Variants in AGGF1 observed in about 807,000 individuals in gnomAD.
AGGF1 encodes the protein angiogenic factor with G patch and FHA domains 1.
AGGF1 carries 56 observed loss-of-function variants against 86.5 expected under a neutral mutation model. The observed-to-expected ratio is 0.65, with a 90% confidence interval of 0.52 to 0.81. The LOEUF (loss-of-function observed/expected upper bound fraction) is 0.81, where lower values mean the gene tolerates loss of function less well. AGGF1 is among the 30% of genes least tolerant of loss of function. The probability of loss-of-function intolerance (pLI) is 0.00; values close to 1 mark genes in which losing one functional copy is unlikely to be tolerated. For missense variants in AGGF1, 816 were observed against 850.9 expected (o/e 0.96, Z 0.51); for synonymous variants, 313 against 297.1 (o/e 1.05, Z -0.55).
chr5:77,030,895 G>A lies in AGGF1; in HGVS notation c.129G>A (p.Val43=), dbSNP rs1191898340. The A allele has an allele frequency of 6.2e-7, 1 of 1,613,438 alleles. No individual in the cohort carries two copies. Among genetic ancestry groups the A allele is most frequent in the Non-Finnish European group, 8.5e-7 (1 of 1,180,006 alleles). ...ERELRSCKRQ[V]REIEKLLHHT... The stretch of plus-strand genomic sequence containing the variant: ...AACTGCGGAGCTGCAAGCGGCAGGT[G>A]CGGGAGATCGAGAAGCTGCTGCATC... Residue 43 remains valine (V), a synonymous_variant, in exon 1 of 14, where the codon GTG becomes GTA. Transcript: ENST00000312916.
chr5:77,031,222 G>C (rs1580120787), intron 1 of AGGF1, among the ~76,000 whole-genome samples: 2 of 152,196 alleles, frequency 1.3e-5, no homozygotes, highest in Admixed American at 6.5e-5. Flanking sequence ...TGGCTACATT[G>C]TCTTCATTCT....
intron 1 of AGGF1, among the ~76,000 whole-genome samples, chr5:77,032,726 C>T (rs1746894268): frequency 6.6e-6 from 1 of 152,072 alleles, no homozygotes; most frequent in Non-Finnish European, 1.5e-5. Context: ...TTCAGAGAGC[C>T]AGCATTTTGG....
chr5:77,061,925 C>T, intron 13 of AGGF1, 123 bp downstream of exon 13: 1 of 872,724 alleles, frequency 1.1e-6, no homozygotes. Context: ...GACATGATTA[C>T]TGCCTTTGTG....
At chr5:77,041,475 G>A (rs1047753506) in intron 5 of AGGF1, among the ~76,000 whole-genome samples, 3 of 150,696 alleles carry the variant, frequency 2.0e-5, no homozygotes, top group Non-Finnish European at 4.4e-5. Context: ...GCTGAGGCAG[G>A]AGAATCGCTT....
chr5:77,048,357 GT>G (rs1580131561), intron 7 of AGGF1, 85 bp downstream of exon 7: 4 of 1,193,686 alleles, frequency 3.4e-6, no homozygotes, highest in Non-Finnish European at 4.8e-6. Flanking sequence ...TTGTTTGTTT[GT>G]TTTTTGTTTT....
intron 4 of AGGF1, among the ~76,000 whole-genome samples, chr5:77,037,146 A>T (rs903354209): frequency 6.6e-6 from 1 of 152,262 alleles, no homozygotes; most frequent in Non-Finnish European, 1.5e-5. Context: ...AAATAAGGTT[A>T]AGGTTAAAAT....
intron 8 of AGGF1, among the ~76,000 whole-genome samples, chr5:77,052,117 C>G (rs866706700): frequency 6.6e-5 from 10 of 152,140 alleles, no homozygotes; most frequent in Admixed American, 2.6e-4. Flanking sequence ...CTTTGGGAGG[C>G]TGAGGCGGGA....
intron 3 of AGGF1, 121 bp from the exon 4 acceptor site, chr5:77,036,435 C>A: frequency 9.9e-7 from 1 of 1,012,218 alleles, no homozygotes; most frequent in Non-Finnish European, 1.5e-6. Flanking sequence ...GATAGTCATG[C>A]TTTTCCTTTG....
At chr5:77,039,372 A>G (rs892837757) in intron 4 of AGGF1, among the ~76,000 whole-genome samples, 159 bp from the exon 5 acceptor site, 15 of 152,216 alleles carry the variant, frequency 9.9e-5, no homozygotes, top group Non-Finnish European at 1.9e-4. Context: ...GTATTTTGGA[A>G]GATTAAAGCA....
At chr5:77,049,926 T>A (rs1050737208) in intron 8 of AGGF1, among the ~76,000 whole-genome samples, 2 of 152,164 alleles carry the variant, frequency 1.3e-5, no homozygotes, top group African/African-American at 4.8e-5. Context: ...GTTATCTTTT[T>A]TCCTGTTTTG....
intron 8 of AGGF1, among the ~76,000 whole-genome samples, chr5:77,049,553 T>C (rs1206254153): frequency 6.7e-6 from 1 of 150,068 alleles, no homozygotes; most frequent in Non-Finnish European, 1.5e-5. Context: ...TTTTACTTTT[T>C]TTTTTTTTTT....
rs1747397769 is a variant in AGGF1 at position 77,052,822 on chromosome 5, GTTAAT to G, written c.1467+18_1467+22del. 1 of 1,566,088 alleles carries G rather than the reference GTTAAT, an allele frequency of 6.4e-7. No homozygotes were observed. The highest frequency in any genetic ancestry group is 8.8e-7 in the Non-Finnish European group (1 of 1,136,682). On this transcript the variant is annotated intron_variant, in intron 9 of 13. Coordinates refer to ENST00000312916, the MANE Select transcript of AGGF1 (RefSeq NM_018046.5). ...AGATTCTTCAGGTGAGTGTATATGTGTTAATTTGTTACCTGCACATTATTTTTAAA... is the reference window on the plus strand; with the variant it reads ...AGATTCTTCAGGTGAGTGTATATGTGTTGTTACCTGCACATTATTTTTAAA...
intron 1 of AGGF1, 77 bp from the exon 2 acceptor site, chr5:77,034,341 G>T: frequency 1.1e-6 from 1 of 886,962 alleles, no homozygotes. Flanking sequence ...ACAATTATTT[G>T]TAACGGTAGG....
chr5:77,055,957 AT>A (rs1416187739), intron 11 of AGGF1, among the ~76,000 whole-genome samples: 1 of 152,194 alleles, frequency 6.6e-6, no homozygotes, highest in African/African-American at 2.4e-5. Flanking sequence ...GATCACACTT[AT>A]GAATAGGCTC....
At chr5:77,062,931 A>G (rs978830958) in intron 13 of AGGF1, 121 bp from the exon 14 acceptor site, 103 of 942,668 alleles carry the variant, frequency 1.1e-4, no homozygotes, top group Non-Finnish European at 1.6e-4. Flanking sequence ...TGCATCTGAC[A>G]GGTTTTTCTT....
At chr5:77,044,395 TTTTC>T (rs1747206075) in intron 5 of AGGF1, among the ~76,000 whole-genome samples, 1 of 152,224 alleles carries the variant, frequency 6.6e-6, no homozygotes, top group Non-Finnish European at 1.5e-5. Context: ...TCTTCATCTG[TTTTC>T]TTTATTTTTA....
chr5:77,039,987 C>A (rs1747040531), intron 5 of AGGF1, among the ~76,000 whole-genome samples: 1 of 151,968 alleles, frequency 6.6e-6, no homozygotes, highest in Non-Finnish European at 1.5e-5. Context: ...TTCAGATCCT[C>A]AGTTGATAAG....
rs749480959 is a variant in AGGF1, at chr5:77,036,531, T to C, written c.517-25T>C. The C allele has an allele frequency of 5.0e-6, 8 of 1,613,438 alleles. No individual in the cohort carries two copies. In the Admixed American group the frequency reaches 6.7e-5, roughly 13 times the overall value. ...TTGATATACAGAAGCTTTTGTCTTA[T>C]TTGGCATGACTATATCTTTTATAGG... is the stretch of plus-strand genomic sequence containing the variant. On this transcript the variant is annotated intron_variant, in intron 3 of 13. Transcript: ENST00000312916.
intron 1 of AGGF1, among the ~76,000 whole-genome samples, chr5:77,033,591 AGT>A (rs1746911228): frequency 6.6e-6 from 1 of 152,240 alleles, no homozygotes; most frequent in Non-Finnish European, 1.5e-5. Context: ...TTTCACGATC[AGT>A]GTCTTGCTTC....
Sources: gnomAD v4.1 joint callset for allele counts (sites outside exome capture counted in the v4.1 genomes callset) on GRCh38, gnomAD v4.1.1 for gene constraint, MANE v1.5 for transcripts, NCBI Gene and HGNC (gene_info 2026-07-23, HGNC 2026-07-21) for gene names.